The following SORBS2 variants were observed in gnomAD, a reference collection of about 807,000 sequenced individuals.
The protein encoded by SORBS2 is sorbin and SH3 domain containing 2.
In SORBS2, 46 loss-of-function variants were observed where a neutral mutation model predicts 97.7. The ratio of observed to expected loss-of-function variants is 0.47; its 90% CI spans 0.37 to 0.60. The LOEUF (loss-of-function observed/expected upper bound fraction) is 0.60, where lower values mean the gene tolerates loss of function less well. Ranked by LOEUF, SORBS2 falls within the 20% of genes least tolerant of loss-of-function variation. The probability of loss-of-function intolerance (pLI) is 0.00; values close to 1 mark genes in which losing one functional copy is unlikely to be tolerated. For synonymous variants in SORBS2, 476 were observed against 473.4 expected (o/e 1.01, Z -0.07); for missense variants, 1,316 against 1,282.3 (o/e 1.03, Z -0.40).
intron 4 of SORBS2, 52 bp from the exon 14 acceptor site, chr4:185,639,087 G>A: frequency 9.7e-6 from 14 of 1,442,150 alleles, no homozygotes; most frequent in Non-Finnish European, 1.3e-5. Context: ...GGCTCTGGGC[G>A]GAACCGCGAG....
chr4:185,867,558 C>T (rs1384472102), intron 1 of SORBS2, among the ~76,000 whole-genome samples: 1 of 152,090 alleles, frequency 6.6e-6, no homozygotes, highest in Non-Finnish European at 1.5e-5. Flanking sequence ...TCCAAGAAGT[C>T]AGAGGGAGGA....
intron 1 of SORBS2, among the ~76,000 whole-genome samples, chr4:185,909,289 A>G (rs1454745): frequency 0.73 from 111,140 of 152,166 alleles, 40,623 homozygotes; most frequent in Middle Eastern, 0.85. Context: ...AAACAACTCA[A>G]AACGTCAAAT....
At chr4:185,713,607 T>C (rs1246039545) in intron 2 of SORBS2, among the ~76,000 whole-genome samples, 1 of 152,186 alleles carries the variant, frequency 6.6e-6, no homozygotes, top group African/African-American at 2.4e-5. Context: ...GAAAACAATA[T>C]ATACTTTTTT....
chr4:185,765,752 A>AT lies in SORBS2; in HGVS notation c.-198+9474dup, dbSNP rs200169558. ...GAATGTAGACAAGTAGGCATCATCAATTTTTTTACCACAGAAAAAGGTAGT... is the reference window on the plus strand; with the variant it reads ...GAATGTAGACAAGTAGGCATCATCAATTTTTTTTACCACAGAAAAAGGTAGT... On this transcript the variant is annotated intron_variant, in intron 2 of 20. Transcript: ENST00000284776. Among the ~76,000 whole-genome samples, 183 of 152,314 alleles carry AT rather than the reference A, an allele frequency of 1.2e-3. 7 individuals carry two copies. In the East Asian group the frequency reaches 0.029, roughly 24 times the overall value.
chr4:185,881,372 T>C (rs1035510458), intron 1 of SORBS2, among the ~76,000 whole-genome samples: 1 of 152,198 alleles, frequency 6.6e-6, no homozygotes, highest in Non-Finnish European at 1.5e-5. Context: ...AAGAATTTTG[T>C]ACCAAGGATA....
At chr4:185,652,534 C>T (rs2097331995) in intron 2 of SORBS2, 128 bp downstream of exon 10, 1 of 744,666 alleles carries the variant, frequency 1.3e-6, no homozygotes, top group Non-Finnish European at 2.4e-6. Flanking sequence ...AGGAGGCATG[C>T]TGAAAAGAAA....
Position 185,809,008 on chromosome 4 carries a change from C to G in SORBS2, c.-337-33642G>C, listed in dbSNP as rs564773005. Among the ~76,000 whole-genome samples the G allele has an allele frequency of 4.6e-5, 7 of 152,110 alleles. No individual in the cohort carries two copies. The South Asian group carries it at 1.5e-3, about 32-fold the overall frequency. On this transcript the variant is annotated intron_variant, in intron 1 of 20. Coordinates refer to the SORBS2 transcript ENST00000284776. ...CGGGAAATTTGGATTTATTATAGGA[C>G]AGTTGTAGCTTTTATGAAATTGGGA...
chr4:185,907,138 CAA>C (rs1401461983), intron 1 of SORBS2, among the ~76,000 whole-genome samples: 23 of 68,564 alleles, frequency 3.4e-4, no homozygotes, highest in South Asian at 1.2e-3. Context: ...TCCATCATAA[CAA>C]AAAAAAAAAA....
At chr4:185,861,638 AC>A (rs1276415462) in intron 1 of SORBS2, among the ~76,000 whole-genome samples, 2 of 114,302 alleles carry the variant, frequency 1.7e-5, no homozygotes, top group African/African-American at 7.2e-5. Flanking sequence ...ATGGAATCTC[AC>A]TCTGTTGCCA....
At chr4:185,710,180 T>A (rs1411475592) in intron 2 of SORBS2, among the ~76,000 whole-genome samples, 1 of 124,290 alleles carries the variant, frequency 8.0e-6, no homozygotes, top group East Asian at 2.3e-4. Context: ...CACCTATAAC[T>A]CTTTTCCCCA....
intron 1 of SORBS2, among the ~76,000 whole-genome samples, chr4:185,780,356 A>G (rs1352655233): frequency 6.6e-6 from 1 of 152,090 alleles, no homozygotes; most frequent in Admixed American, 6.5e-5. Flanking sequence ...AACCACACTC[A>G]ATGAAGTGAA....
exon 12 of SORBS2, chr4:185,611,908 G>C: frequency 1.1e-5 from 18 of 1,613,614 alleles, no homozygotes; most frequent in Non-Finnish European, 1.5e-5. Flanking sequence ...AAGATGCCTT[G>C]TCTGTTGGTT....
At position 185,611,660 on chromosome 4, in the gene SORBS2, T is replaced by A. The variant is rs529673060; in HGVS notation, c.2796+120A>T. 7 of 725,292 alleles carry A rather than the reference T, an allele frequency of 9.7e-6. No homozygotes were observed. The African/African-American group carries it at 1.1e-4, about 11-fold the overall frequency. The allele number at this position is 725,292 out of a possible 1,614,324, so 44.9% of individuals were successfully genotyped here. ...GGCACTCACACATGTAGAAACATAA[T>A]ATGTAAATCTCTTTCTCTGCAATAG... On this transcript the variant is annotated intron_variant, in intron 12 of 14. Transcript: ENST00000418609.
At chr4:185,693,359 G>C (rs902296032) in intron 2 of SORBS2, among the ~76,000 whole-genome samples, 8 of 152,268 alleles carry the variant, frequency 5.3e-5, no homozygotes, top group African/African-American at 1.9e-4. Context: ...AGTCAGGGAA[G>C]AGGGCAGCGG....
intron 2 of SORBS2, among the ~76,000 whole-genome samples, chr4:185,700,936 C>A (rs2098252221): frequency 6.6e-6 from 1 of 152,200 alleles, no homozygotes; most frequent in African/African-American, 2.4e-5. Flanking sequence ...GCAAGAAAAA[C>A]AACATACAAA....
intron 2 of SORBS2, among the ~76,000 whole-genome samples, chr4:185,730,423 T>C: frequency 6.6e-6 from 1 of 152,094 alleles, no homozygotes. Flanking sequence ...TGTATTATTT[T>C]AATAAAAGCT....
intron 1 of SORBS2, among the ~76,000 whole-genome samples, chr4:185,955,634 C>T (rs565917085): frequency 6.6e-6 from 1 of 152,142 alleles, no homozygotes; most frequent in Admixed American, 6.5e-5. Context: ...GACTTTCGGA[C>T]GAGCACACCA....
intron 1 of SORBS2, among the ~76,000 whole-genome samples, chr4:185,904,044 A>T (rs2099249275): frequency 6.6e-6 from 1 of 152,204 alleles, no homozygotes; most frequent in South Asian, 2.1e-4. Context: ...ATTATTTTTT[A>T]ATCTAGAAAC....
chr4:185,652,306 C>A (rs149619913), intron 2 of SORBS2, among the ~76,000 whole-genome samples: 149 of 152,306 alleles, frequency 9.8e-4, no homozygotes, highest in African/African-American at 3.5e-3. Context: ...CTCAGGCAGA[C>A]CCGCGCAGGC....
Sources: gnomAD v4.1 joint callset for allele counts (sites outside exome capture counted in the v4.1 genomes callset) on GRCh38, gnomAD v4.1.1 for gene constraint, MANE v1.5 for transcripts, NCBI Gene and HGNC (gene_info 2026-07-23, HGNC 2026-07-21) for gene names.